The following PAX2 variants were observed in gnomAD, a reference collection of about 807,000 sequenced individuals.
The protein encoded by PAX2 is paired box 2, also known as paired box protein Pax-2.
PAX2 carries 9 observed loss-of-function variants against 41.7 expected under a neutral mutation model. That is an observed-to-expected ratio of 0.22 (90% CI 0.13 to 0.38). The LOEUF is 0.38. PAX2 is among the 10% of genes least tolerant of loss of function. The pLI is 1.00. For missense variants in PAX2, 418 were observed against 531.6 expected, an observed-to-expected ratio of 0.79 and a Z score of 2.10; for synonymous variants, 221 against 212.7, an observed-to-expected ratio of 1.04 and a Z score of -0.34.
chr10:100,806,371 C>A, intron 5 of PAX2, 59 bp from the exon 6 acceptor site: 1 of 1,573,610 alleles, frequency 6.4e-7, no homozygotes, highest in African/African-American at 1.3e-5. Flanking sequence ...TTGCCCTGCA[C>A]TGTTCCTGTG....
In PAX2 at chr10:100,750,038, G is replaced by C. The variant is rs1396855647; in HGVS notation, c.212+124G>C. The C allele has an allele frequency of 9.2e-7, 1 of 1,089,958 alleles. No individual in the cohort carries two copies. The highest frequency in any genetic ancestry group is 1.6e-5 in the African/African-American group (1 of 64,174). The allele number at this position is 1,089,958 out of a possible 1,614,324, so 67.5% of individuals were successfully genotyped here. A position where few individuals can be genotyped will look rare whatever the true frequency, so the allele number is the denominator to read the frequency against. ...AGCCAGAGAGGGAGATCCCCAAAGG[G>C]GTCTGGAGAGGTGCTCCTTTTGGAG... On this transcript the variant is annotated intron_variant, in intron 2 of 9. Coordinates refer to ENST00000355243, the MANE Select transcript of PAX2 (RefSeq NM_000278.5). The surrounding 1 kb of genome is among the most constrained non-coding windows in gnomAD (Gnocchi z 4.1).
At chr10:100,771,937 G>A (rs569411137) in intron 3 of PAX2, among the ~76,000 whole-genome samples, 1 of 152,146 alleles carries the variant, frequency 6.6e-6, no homozygotes, top group African/African-American at 2.4e-5. Flanking sequence ...CTCCCCAGTA[G>A]CAGGGATTAC....
intron 3 of PAX2, among the ~76,000 whole-genome samples, chr10:100,777,913 T>C (rs1846457503): frequency 6.6e-6 from 1 of 152,216 alleles, no homozygotes; most frequent in African/African-American, 2.4e-5. Flanking sequence ...TTGTTTCCTC[T>C]TAGTCCCTTG....
At chr10:100,743,641 G>C (rs1845042738), upstream of PAX2, among the ~76,000 whole-genome samples, 2 of 152,228 alleles carry the variant, frequency 1.3e-5, no homozygotes, top group African/African-American at 4.8e-5. Context: ...TACCACCTGA[G>C]ATCCCTTGCA....
intron 5 of PAX2, among the ~76,000 whole-genome samples, chr10:100,787,953 A>G (rs1470977407): frequency 1.3e-5 from 2 of 151,896 alleles, no homozygotes; most frequent in Non-Finnish European, 2.9e-5. Context: ...TTGGGGAGGG[A>G]GGGGCACCGA....
chr10:100,777,260 C>G (rs1178895540), intron 3 of PAX2, among the ~76,000 whole-genome samples: 1 of 151,662 alleles, frequency 6.6e-6, no homozygotes, highest in African/African-American at 2.4e-5. Context: ...TACCACCACA[C>G]CTGGCTAATT....
intron 5 of PAX2, among the ~76,000 whole-genome samples, chr10:100,781,710 A>T (rs746240082): frequency 2.0e-5 from 3 of 152,182 alleles, no homozygotes; most frequent in Non-Finnish European, 4.4e-5. Context: ...TGAAAGGCCA[A>T]CCTACCTTGT....
exon 1 of PAX2, among the ~76,000 whole-genome samples, chr10:100,735,399 C>T (rs1322423181): frequency 6.6e-6 from 1 of 152,194 alleles, no homozygotes; most frequent in East Asian, 1.9e-4. Context: ...GCGCCTCAGG[C>T]AGCGAGGGTG....
intron 3 of PAX2, among the ~76,000 whole-genome samples, chr10:100,769,228 T>C (rs1038046558): frequency 2.0e-5 from 3 of 152,254 alleles, no homozygotes; most frequent in African/African-American, 7.2e-5. Context: ...ATAATCTTCA[T>C]AGGTACTTGT....
intron 3 of PAX2, among the ~76,000 whole-genome samples, chr10:100,761,814 A>G (rs993216065): frequency 3.9e-5 from 6 of 152,130 alleles, no homozygotes; most frequent in Non-Finnish European, 8.8e-5. Context: ...TTCTTGTGTG[A>G]AGGGAGAGGC....
chr10:100,737,212 A>G (rs1234486502), intron 1 of PAX2, among the ~76,000 whole-genome samples: 2 of 152,174 alleles, frequency 1.3e-5, no homozygotes, highest in African/African-American at 2.4e-5. Context: ...CAGTCCCAGC[A>G]AGTCTCCCAG....
At chr10:100,803,738 T>G (rs1283550135) in intron 5 of PAX2, among the ~76,000 whole-genome samples, 4 of 151,780 alleles carry the variant, frequency 2.6e-5, no homozygotes, top group Admixed American at 2.6e-4. Flanking sequence ...GCCTCCTTTC[T>G]CCTCCCCACT....
chr10:100,749,708 TGTGTGGG>T, intron 1 of PAX2, 31 bp from the exon 2 acceptor site: 3 of 1,596,044 alleles, frequency 1.9e-6, no homozygotes, highest in Non-Finnish European at 2.6e-6. Context: ...GTCCCTGCTG[TGTGTGGG>T]GTGTTGTGTT....
chr10:100,805,023 TACACACACACACACACACACAC>T lies in PAX2; in HGVS notation c.617-1376_617-1355del, dbSNP rs3978747. ...CTTCTCTCTCTCTCTCTCTCTCACA[TACACACACACACACACACACAC>T]ACACACACACACACACACACACACA... On this transcript the variant is annotated intron_variant, in intron 5 of 9. Transcript: ENST00000355243. Among the ~76,000 whole-genome samples, 43 of 95,020 alleles carry T rather than the reference TACACACACACACACACACACAC, an allele frequency of 4.5e-4. No homozygotes were observed. In the East Asian group the frequency reaches 4.6e-3, roughly 10 times the overall value. The allele number at this position is 95,020 out of a possible 152,430, so 62.3% of individuals were successfully genotyped here.
chr10:100,779,633 G>T, intron 4 of PAX2, 50 bp downstream of exon 4: 1 of 1,394,464 alleles, frequency 7.2e-7, no homozygotes, highest in Non-Finnish European at 1.0e-6. Flanking sequence ...CTAGAGAAAG[G>T]CAGGAAACGC....
At chr10:100,765,816 T>A (rs1589830445) in intron 3 of PAX2, among the ~76,000 whole-genome samples, 1 of 152,106 alleles carries the variant, frequency 6.6e-6, no homozygotes, top group East Asian at 1.9e-4. Flanking sequence ...CACCTCTTAA[T>A]TTGTCTTAGG....
Position 100,746,138 on chromosome 10 carries a change from A to G in PAX2, c.-123A>G, listed in dbSNP as rs941015619. 1.0e-5 allele frequency: 15 copies of G among 1,478,764 alleles called. No individual in the cohort carries two copies. The highest frequency in any genetic ancestry group is 1.8e-5 in the Admixed American group (1 of 54,696). The allele number at this position is 1,478,764 out of a possible 1,614,324, so 91.6% of individuals were successfully genotyped here. A position where few individuals can be genotyped will look rare whatever the true frequency, so the allele number is the denominator to read the frequency against. On this transcript the variant is annotated 5_prime_UTR_variant, in exon 1 of 10. Transcript: ENST00000355243. ...CCCCCGCCCCCGCGCGCCCCGCAGC[A>G]GCCGGGCGTTCACTCATCCTCCCTC... is the stretch of plus-strand genomic sequence containing the variant.
At chr10:100,749,969 C>A in intron 2 of PAX2, 55 bp downstream of exon 2, 1 of 1,583,824 alleles carries the variant, frequency 6.3e-7, no homozygotes, top group Non-Finnish European at 8.6e-7. Context: ...CCGGCCAGCC[C>A]TGGGTCTCCA....
At chr10:100,803,598 T>C (rs1003480853) in intron 5 of PAX2, among the ~76,000 whole-genome samples, 2 of 152,154 alleles carry the variant, frequency 1.3e-5, no homozygotes, top group Admixed American at 6.5e-5. Context: ...TTTGTGCTCC[T>C]TCGCCATTCA....
Sources: allele counts gnomAD v4.1 joint callset (sites outside exome capture counted in the v4.1 genomes callset), GRCh38; gene constraint gnomAD v4.1.1; non-coding constraint Gnocchi (gnomAD v3.1); transcripts MANE v1.5; gene names NCBI Gene and HGNC (gene_info 2026-07-23, HGNC 2026-07-21).